The following CCSER1 variants were observed in gnomAD, a reference collection of about 807,000 sequenced individuals.
The protein encoded by CCSER1 is coiled-coil serine rich protein 1.
CCSER1 carries 41 observed loss-of-function variants against 82.0 expected under a neutral mutation model. The observed-to-expected ratio is 0.50, with a 90% CI of 0.39 to 0.65. The LOEUF is 0.65. CCSER1 is among the 30% of genes least tolerant of loss of function. The pLI, the probability that CCSER1 is intolerant of heterozygous loss-of-function variation, is 0.00. For missense variants in CCSER1, 1,119 were observed against 1,064.2 expected (o/e 1.05, Z -0.72); for synonymous variants, 414 against 383.9 (o/e 1.08, Z -0.92).
At chr4:91,025,544 A>G (rs754542271) in intron 9 of CCSER1, among the ~76,000 whole-genome samples, 1 of 152,134 alleles carries the variant, frequency 6.6e-6, no homozygotes, top group Non-Finnish European at 1.5e-5. Context: ...TGTTGCCACT[A>G]CTATAACTGA....
intron 10 of CCSER1, among the ~76,000 whole-genome samples, chr4:91,270,681 G>A (rs954110338): frequency 2.6e-5 from 4 of 152,130 alleles, no homozygotes; most frequent in African/African-American, 9.7e-5. Flanking sequence ...GGATGCAGAG[G>A]CCAAAAGAAT....
intron 4 of CCSER1, among the ~76,000 whole-genome samples, chr4:90,449,567 A>T (rs1761147756): frequency 1.3e-5 from 2 of 152,168 alleles, no homozygotes; most frequent in Non-Finnish European, 2.9e-5. Flanking sequence ...TGAGCTGCCC[A>T]CAACCCTTCC....
chr4:90,235,555 A>G (rs1433073906), intron 1 of CCSER1, among the ~76,000 whole-genome samples: 1 of 152,226 alleles, frequency 6.6e-6, no homozygotes, highest in Non-Finnish European at 1.5e-5. Context: ...TTTAGTTTGA[A>G]AGAAATCACT....
intron 4 of CCSER1, among the ~76,000 whole-genome samples, chr4:90,452,778 A>G (rs1297707466): frequency 6.6e-6 from 1 of 152,194 alleles, no homozygotes; most frequent in Non-Finnish European, 1.5e-5. Context: ...CTATACCTGC[A>G]GAATACTGTA....
chr4:91,102,416 T>G (rs900966450), intron 10 of CCSER1, among the ~76,000 whole-genome samples: 6 of 152,204 alleles, frequency 3.9e-5, no homozygotes, highest in Non-Finnish European at 8.8e-5. Context: ...GGTTCTGAAA[T>G]GAAGCATATT....
chr4:91,057,912 A>G (rs1048916283), intron 9 of CCSER1, among the ~76,000 whole-genome samples: 1 of 152,164 alleles, frequency 6.6e-6, no homozygotes, highest in African/African-American at 2.4e-5. Flanking sequence ...TAAGGTTACC[A>G]TCATTACTCA....
chr4:91,434,381 G>A (rs192548879), intron 10 of CCSER1, among the ~76,000 whole-genome samples: 4 of 152,134 alleles, frequency 2.6e-5, no homozygotes, highest in East Asian at 1.9e-4. Context: ...AAAAGAACAC[G>A]TTCAAAGTTA....
chr4:90,249,312 A>G (rs1338593764), intron 1 of CCSER1, among the ~76,000 whole-genome samples: 1 of 152,176 alleles, frequency 6.6e-6, no homozygotes, highest in Non-Finnish European at 1.5e-5. Flanking sequence ...AGTTGATAAT[A>G]TCAAATTGCT....
rs147586288 is a variant in CCSER1 at position 90,139,659 on chromosome 4, G to C, written c.-42+11828G>C. ...TGGATTCAGAATAACAGGTGTAAAA[G>C]TATGAAAATGAAGCTCGGTGCAGTG... On this transcript the variant is annotated intron_variant, in intron 1 of 10. Transcript: ENST00000509176. Among the ~76,000 whole-genome samples the C allele has an allele frequency of 4.6e-4, 70 of 152,206 alleles. 2 individuals carry two copies. The East Asian group carries it at 0.013, about 28-fold the overall frequency.
At chr4:91,079,574 G>T (rs548922161) in intron 9 of CCSER1, among the ~76,000 whole-genome samples, 17 of 152,230 alleles carry the variant, frequency 1.1e-4, no homozygotes, top group African/African-American at 3.1e-4. Context: ...ATAACAATAT[G>T]AATCTTAAAT....
intron 5 of CCSER1, among the ~76,000 whole-genome samples, chr4:90,505,559 C>T (rs1770567910): frequency 6.6e-6 from 1 of 152,126 alleles, no homozygotes; most frequent in South Asian, 2.1e-4. Flanking sequence ...TGCTGATTGG[C>T]TACTTTTATG....
intron 1 of CCSER1, among the ~76,000 whole-genome samples, chr4:90,129,605 C>T (rs562484780): frequency 6.6e-6 from 1 of 152,196 alleles, no homozygotes; most frequent in Admixed American, 6.5e-5. Context: ...AATAGTTTCA[C>T]AGAGAAAAAA....
chr4:90,201,027 A>G (rs147889572), intron 1 of CCSER1, among the ~76,000 whole-genome samples: 69 of 152,274 alleles, frequency 4.5e-4, no homozygotes, highest in African/African-American at 1.6e-3. Flanking sequence ...AATAGAGTCC[A>G]TAATGTCTTC....
At chr4:91,132,011 A>G (rs1479960295) in intron 10 of CCSER1, among the ~76,000 whole-genome samples, 1 of 152,030 alleles carries the variant, frequency 6.6e-6, no homozygotes, top group African/African-American at 2.4e-5. Flanking sequence ...TAGAAAAGAT[A>G]AAAGTTACCT....
At chr4:91,543,124 C>G (rs1761694792) in intron 10 of CCSER1, among the ~76,000 whole-genome samples, 1 of 151,964 alleles carries the variant, frequency 6.6e-6, no homozygotes, top group Admixed American at 6.6e-5. Flanking sequence ...GGATTGCAAC[C>G]CCTGCCTTTT....
intron 8 of CCSER1, among the ~76,000 whole-genome samples, chr4:90,831,926 G>A (rs1254709060): frequency 3.3e-5 from 5 of 151,978 alleles, no homozygotes; most frequent in African/African-American, 9.7e-5. Context: ...TAGCAGAAAT[G>A]ATAATGGCTA....
chr4:90,176,696 T>C (rs1732755993), intron 1 of CCSER1, among the ~76,000 whole-genome samples: 1 of 152,076 alleles, frequency 6.6e-6, no homozygotes, highest in South Asian at 2.1e-4. Context: ...ATTGATAGTG[T>C]GATAGGTCCA....
intron 4 of CCSER1, among the ~76,000 whole-genome samples, chr4:90,415,810 G>A (rs76308657): frequency 0.014 from 2,163 of 152,286 alleles, 39 homozygotes; most frequent in African/African-American, 0.048. Flanking sequence ...GGTAATGAGA[G>A]TGATGCATCA....
chr4:91,045,748 T>A (rs975775870), intron 9 of CCSER1, among the ~76,000 whole-genome samples: 8 of 152,052 alleles, frequency 5.3e-5, no homozygotes, highest in African/African-American at 1.7e-4. Flanking sequence ...CATTATATAG[T>A]TAGACAAGAT....
Sources: gnomAD v4.1 joint callset for allele counts (sites outside exome capture counted in the v4.1 genomes callset) on GRCh38, gnomAD v4.1.1 for gene constraint, MANE v1.5 for transcripts, NCBI Gene and HGNC (gene_info 2026-07-23, HGNC 2026-07-21) for gene names.